The following ADARB2 variants were observed in gnomAD, a reference collection of about 807,000 sequenced individuals.
ADARB2 encodes the protein inactive double-stranded RNA-specific editase B2.
Under a neutral mutation model 62.2 loss-of-function variants are expected in ADARB2, and 25 were observed. That is an observed-to-expected ratio of 0.40 (90% CI 0.29 to 0.56). The LOEUF is 0.56. ADARB2 is among the 20% of genes least tolerant of loss of function. The probability of loss-of-function intolerance (pLI) is 0.43; values close to 1 mark genes in which losing one functional copy is unlikely to be tolerated. For missense variants in ADARB2, 1,071 were observed against 1,077.4 expected, an observed-to-expected ratio of 0.99 and a Z score of 0.08; for synonymous variants, 572 against 500.8, an observed-to-expected ratio of 1.14 and a Z score of -1.90.
intron 9 of ADARB2, 66 bp from the exon 10 acceptor site, chr10:1,183,435 T>C (rs1467208643): frequency 6.4e-7 from 1 of 1,574,398 alleles, no homozygotes; most frequent in Non-Finnish European, 8.7e-7. Flanking sequence ...CTAGGTGAGT[T>C]TTACATGCCA....
intron 7 of ADARB2, among the ~76,000 whole-genome samples, chr10:1,204,978 T>G (rs1253378081): frequency 6.6e-6 from 1 of 152,222 alleles, no homozygotes; most frequent in Non-Finnish European, 1.5e-5. Context: ...GGCCTGCACC[T>G]GCCTTGAGCC....
At chr10:1,487,104 C>T (rs1033473556) in intron 1 of ADARB2, among the ~76,000 whole-genome samples, 12 of 152,206 alleles carry the variant, frequency 7.9e-5, no homozygotes, top group African/African-American at 2.7e-4. Flanking sequence ...GCCGTGGGAG[C>T]CCGGATGCTG....
intron 1 of ADARB2, among the ~76,000 whole-genome samples, chr10:1,686,822 A>C (rs1478378692): frequency 6.6e-6 from 1 of 152,152 alleles, no homozygotes; most frequent in Non-Finnish European, 1.5e-5. Context: ...TTTATTGTTG[A>C]TTTCTCTAGC....
At chr10:1,602,476 C>T (rs572653899) in intron 1 of ADARB2, among the ~76,000 whole-genome samples, 81 of 152,288 alleles carry the variant, frequency 5.3e-4, no homozygotes, top group African/African-American at 1.7e-3. Flanking sequence ...CTCATCCCTC[C>T]GGCATCCATC....
intron 4 of ADARB2, among the ~76,000 whole-genome samples, chr10:1,256,929 G>T (rs1370672187): frequency 6.6e-6 from 1 of 152,288 alleles, no homozygotes; most frequent in Non-Finnish European, 1.5e-5. Flanking sequence ...GGCTGACAAG[G>T]TCTCCTCACT....
At chr10:1,672,802 C>G (rs537416908) in intron 1 of ADARB2, among the ~76,000 whole-genome samples, 1 of 150,792 alleles carries the variant, frequency 6.6e-6, no homozygotes, top group Non-Finnish European at 1.5e-5. Context: ...TATCCAGCAA[C>G]CTCCACGTCT....
At chr10:1,578,997 CCATCAGGGCAG>C (rs1018537087) in intron 1 of ADARB2, among the ~76,000 whole-genome samples, 1 of 152,114 alleles carries the variant, frequency 6.6e-6, no homozygotes, top group African/African-American at 2.4e-5. Context: ...CAAGCCTGGC[CCATCAGGGCAG>C]GAGGCAGGTG....
At chr10:1,335,705 G>T (rs1831967740) in intron 3 of ADARB2, among the ~76,000 whole-genome samples, 1 of 152,152 alleles carries the variant, frequency 6.6e-6, no homozygotes, top group Non-Finnish European at 1.5e-5. Context: ...CTTAAATAAG[G>T]ATAAGTGAGT....
chr10:1,655,790 C>T (rs776891179), intron 1 of ADARB2, among the ~76,000 whole-genome samples: 10 of 152,146 alleles, frequency 6.6e-5, no homozygotes, highest in South Asian at 2.1e-4. Flanking sequence ...CTGGAACAAG[C>T]GAGGTTTTGA....
At chr10:1,352,796 G>T (rs1832156022) in intron 3 of ADARB2, among the ~76,000 whole-genome samples, 1 of 152,084 alleles carries the variant, frequency 6.6e-6, no homozygotes, top group South Asian at 2.1e-4. Context: ...CTTCAATCCA[G>T]CCTCCCACAT....
intron 5 of ADARB2, among the ~76,000 whole-genome samples, chr10:1,240,978 AG>A (rs1232744407): frequency 1.5e-4 from 23 of 152,334 alleles, no homozygotes; most frequent in East Asian, 5.8e-4. Context: ...GATAAGAATG[AG>A]CTGAGTGTGG....
At chr10:1,625,257 A>G (rs1008298826) in intron 1 of ADARB2, among the ~76,000 whole-genome samples, 2 of 152,352 alleles carry the variant, frequency 1.3e-5, no homozygotes, top group Admixed American at 6.5e-5. Flanking sequence ...GCCTGTGCGG[A>G]GCCTGAGGCT....
At position 1,265,126 on chromosome 10, in the gene ADARB2, T is replaced by A. The variant is rs141077745; in HGVS notation, c.1192+5829A>T. Among the ~76,000 whole-genome samples, 380 of 152,362 alleles carry A rather than the reference T, an allele frequency of 2.5e-3. 4 individuals carry two copies. The highest frequency in any genetic ancestry group is 7.0e-3 in the Admixed American group (107 of 15,306). The stretch of plus-strand genomic sequence containing the variant: ...AGGACCATCAGCTCTACATTTCAGC[T>A]CTGCCCCGCCCTCAGGGCATCAGGA... On this transcript the variant is annotated intron_variant, in intron 4 of 9. Transcript: ENST00000381312.
chr10:1,551,285 T>A (rs1322290802), intron 1 of ADARB2, among the ~76,000 whole-genome samples: 1 of 152,192 alleles, frequency 6.6e-6, no homozygotes, highest in Non-Finnish European at 1.5e-5. Context: ...ACAACGTGAA[T>A]GTCTATTATT....
chr10:1,271,080 C>T lies in ADARB2; in HGVS notation c.1078-11G>A. On this transcript the variant is annotated splice_polypyrimidine_tract_variant and intron_variant, in intron 3 of 9. Coordinates refer to ENST00000381312, the MANE Select transcript of ADARB2 (RefSeq NM_018702.4). ...GGAGTCTGCGAATTCCTGAAAGACA[C>T]AAGCACAGGCCTCCACGTTGGGCTG... is the stretch of plus-strand genomic sequence containing the variant. 1 of 1,611,086 alleles carries T rather than the reference C, an allele frequency of 6.2e-7. No homozygotes were observed. Among genetic ancestry groups the T allele is most frequent in the Non-Finnish European group, 8.5e-7 (1 of 1,177,836 alleles).
At chr10:1,215,424 G>A (rs903676608) in intron 7 of ADARB2, among the ~76,000 whole-genome samples, 4 of 152,242 alleles carry the variant, frequency 2.6e-5, no homozygotes, top group Non-Finnish European at 4.4e-5. Flanking sequence ...CTCCATGCAA[G>A]CATCAGAGGT....
At position 1,398,932 on chromosome 10, in the gene ADARB2, C is replaced by T. The variant is rs549456882; in HGVS notation, c.101-19772G>A. On this transcript the variant is annotated intron_variant, in intron 1 of 9. Coordinates refer to ENST00000381312, the MANE Select transcript of ADARB2 (RefSeq NM_018702.4). The surrounding 1 kb of genome is among the most constrained non-coding windows in gnomAD (Gnocchi z 4.1). Reference sequence around the variant, plus strand: ...GTTTGCCAGAGAACCACCGAAGAGCCTTCCAGGGACTTCTAAGAGTGGGCA... The same window carrying T: ...GTTTGCCAGAGAACCACCGAAGAGCTTTCCAGGGACTTCTAAGAGTGGGCA... Among the ~76,000 whole-genome samples, 2 of 152,316 alleles carry T rather than the reference C, an allele frequency of 1.3e-5. No individual in the cohort carries two copies. The highest frequency in any genetic ancestry group is 2.9e-5 in the Non-Finnish European group (2 of 68,026).
intron 3 of ADARB2, among the ~76,000 whole-genome samples, chr10:1,356,392 G>A (rs1832195673): frequency 6.6e-6 from 1 of 152,142 alleles, no homozygotes; most frequent in Admixed American, 6.5e-5. Flanking sequence ...GGGCGTCCTG[G>A]GGACCCACCC....
chr10:1,721,611 A>T (rs1564204423), intron 1 of ADARB2, among the ~76,000 whole-genome samples: 1 of 152,248 alleles, frequency 6.6e-6, no homozygotes. Context: ...CACATAAAGA[A>T]TTTTATGCAT....
Sources: allele counts gnomAD v4.1 joint callset (sites outside exome capture counted in the v4.1 genomes callset), GRCh38; gene constraint gnomAD v4.1.1; non-coding constraint Gnocchi (gnomAD v3.1); transcripts MANE v1.5; gene names NCBI Gene and HGNC (gene_info 2026-07-23, HGNC 2026-07-21).